The following POU3F3 variants were observed in gnomAD, a reference collection of about 807,000 sequenced individuals.
POU3F3 encodes the protein POU class 3 homeobox 3.
POU3F3 carries 1 observed loss-of-function variant against 8.6 expected under a neutral mutation model. The observed-to-expected ratio is 0.12, with a 90% confidence interval of 0.04 to 0.55. The LOEUF (loss-of-function observed/expected upper bound fraction) is 0.55, where lower values mean the gene tolerates loss of function less well. Among genes scored for constraint, POU3F3 ranks in the 20% least tolerant of loss-of-function variants. The probability of loss-of-function intolerance (pLI) is 0.91; values close to 1 mark genes in which losing one functional copy is unlikely to be tolerated. For synonymous variants in POU3F3, 418 were observed against 327.4 expected (o/e 1.28, Z -2.99); for missense variants, 577 against 690.7 (o/e 0.84, Z 1.84).
the POU3F3 span, among the ~76,000 whole-genome samples, chr2:104,914,673 C>A: frequency 6.6e-6 from 1 of 152,126 alleles, no homozygotes; most frequent in African/African-American, 2.4e-5. Flanking sequence ...GACTCAGAAC[C>A]AGACGGCTTA....
chr2:104,911,825 G>GGA, the POU3F3 span, among the ~76,000 whole-genome samples: 3 of 150,556 alleles, frequency 2.0e-5, no homozygotes, highest in Non-Finnish European at 3.0e-5. Flanking sequence ...AGAGAGAGAG[G>GGA]GAGAGAGAGA....
At chr2:104,927,556 A>G in the POU3F3 span, among the ~76,000 whole-genome samples, 1 of 152,060 alleles carries the variant, frequency 6.6e-6, no homozygotes, top group Non-Finnish European at 1.5e-5. Context: ...AGAGTTCGAG[A>G]TCACGCTGGG....
In POU3F3 at chr2:104,858,478, A is replaced by G. The variant is rs1463189964; in HGVS notation, c.*1465A>G. The G allele has an allele frequency of 6.6e-6, 1 of 152,212 alleles. No individual in the cohort carries two copies. Among genetic ancestry groups the G allele is most frequent in the African/African-American group, 2.4e-5 (1 of 41,450 alleles). 9.4% of individuals were successfully genotyped at this position (152,212 alleles called of 1,614,324 possible). Reference sequence around the variant, plus strand: ...ATGAAAATATGGACAGTTGTTAGGTAATAAGGGTATCTTTTGATGTGATCA... The same window carrying G: ...ATGAAAATATGGACAGTTGTTAGGTGATAAGGGTATCTTTTGATGTGATCA... On this transcript the variant is annotated 3_prime_UTR_variant, in exon 1 of 1. Transcript: ENST00000361360.
At chr2:104,887,962 A>G in the POU3F3 span, among the ~76,000 whole-genome samples, 1 of 152,254 alleles carries the variant, frequency 6.6e-6, no homozygotes, top group African/African-American at 2.4e-5. Context: ...TATTTAAATC[A>G]TCTAAAATTT....
the POU3F3 span, among the ~76,000 whole-genome samples, chr2:104,916,694 C>G: frequency 2.0e-5 from 3 of 152,260 alleles, no homozygotes; most frequent in Admixed American, 2.0e-4. Flanking sequence ...CACAGCAAGT[C>G]AATAAAGTGG....
the POU3F3 span, among the ~76,000 whole-genome samples, chr2:104,870,380 G>C: frequency 1.3e-5 from 2 of 152,332 alleles, no homozygotes; most frequent in African/African-American, 4.8e-5. Flanking sequence ...ACTTTTCGCT[G>C]CTTAGCAGAG....
the POU3F3 span, among the ~76,000 whole-genome samples, chr2:104,902,381 G>T: frequency 6.6e-6 from 1 of 152,190 alleles, no homozygotes; most frequent in East Asian, 1.9e-4. Context: ...CCTCTTTAGA[G>T]ATCAAAGAAA....
the POU3F3 span, among the ~76,000 whole-genome samples, chr2:104,880,128 T>C: frequency 6.6e-6 from 1 of 152,186 alleles, no homozygotes; most frequent in African/African-American, 2.4e-5. Context: ...TTCTCCTTCA[T>C]GTGGTTCAAA....
the POU3F3 span, among the ~76,000 whole-genome samples, chr2:104,871,116 C>A: frequency 6.6e-6 from 1 of 152,182 alleles, no homozygotes; most frequent in Admixed American, 6.5e-5. Flanking sequence ...CGTCTAGGGT[C>A]TGCCGGATTA....
chr2:104,923,786 C>T, the POU3F3 span, among the ~76,000 whole-genome samples: 13 of 152,142 alleles, frequency 8.5e-5, no homozygotes, highest in Non-Finnish European at 1.0e-4. Context: ...GCACAAGAGA[C>T]TCACTTTAGC....
chr2:104,898,902 G>A, the POU3F3 span, among the ~76,000 whole-genome samples: 1 of 152,088 alleles, frequency 6.6e-6, no homozygotes, highest in Admixed American at 6.5e-5. Flanking sequence ...AATTTTTCAT[G>A]GAATTCCTGC....
At chr2:104,861,248 A>G (rs1676651599), downstream of POU3F3, among the ~76,000 whole-genome samples, 1 of 152,230 alleles carries the variant, frequency 6.6e-6, no homozygotes. Flanking sequence ...TCAGTACTAA[A>G]TTGAAGGAAG....
chr2:104,854,080 T>C (rs765311210), upstream of POU3F3, among the ~76,000 whole-genome samples: 3 of 151,812 alleles, frequency 2.0e-5, no homozygotes, highest in Admixed American at 1.3e-4. This position sits in a 1 kb window ranked among gnomAD's most constrained non-coding sequence, Gnocchi z 4.5. Flanking sequence ...TGGGAAAGTG[T>C]GGTGGTGGGT....
chr2:104,894,280 C>T, the POU3F3 span, among the ~76,000 whole-genome samples: 2 of 152,194 alleles, frequency 1.3e-5, no homozygotes, highest in East Asian at 1.9e-4. Context: ...TCTGCATTGA[C>T]CACACTGACA....
upstream of POU3F3, chr2:104,853,468 C>G (rs1558701750): frequency 6.6e-6 from 1 of 152,324 alleles, no homozygotes; most frequent in Non-Finnish European, 1.5e-5. Flanking sequence ...GAGCTCTTGG[C>G]GATGCGAGCC....
At chr2:104,875,487 A>G in the POU3F3 span, among the ~76,000 whole-genome samples, 1 of 152,170 alleles carries the variant, frequency 6.6e-6, no homozygotes, top group African/African-American at 2.4e-5. Flanking sequence ...CCACATTCTC[A>G]CCAACACACC....
chr2:104,923,561 A>T, the POU3F3 span, among the ~76,000 whole-genome samples: 1 of 152,176 alleles, frequency 6.6e-6, no homozygotes, highest in Non-Finnish European at 1.5e-5. Flanking sequence ...AAGGGAATTT[A>T]AACATTTTAC....
the POU3F3 span, among the ~76,000 whole-genome samples, chr2:104,870,865 C>T: frequency 9.2e-5 from 14 of 152,326 alleles, no homozygotes; most frequent in South Asian, 2.9e-3. Flanking sequence ...AATAAATAAA[C>T]CCAGCTACAC....
the POU3F3 span, among the ~76,000 whole-genome samples, chr2:104,898,015 C>T: frequency 3.3e-5 from 5 of 152,166 alleles, no homozygotes; most frequent in Non-Finnish European, 7.3e-5. Flanking sequence ...CCCCAGAGTT[C>T]CTATGTTGAA....
Sources: allele counts gnomAD v4.1 joint callset (sites outside exome capture counted in the v4.1 genomes callset), GRCh38; gene constraint gnomAD v4.1.1; non-coding constraint Gnocchi (gnomAD v3.1); transcripts MANE v1.5; gene names NCBI Gene and HGNC (gene_info 2026-07-23, HGNC 2026-07-21).